Variants in CCDC73 observed in about 807,000 individuals in gnomAD.
CCDC73 encodes the protein coiled-coil domain containing 73.
A neutral mutation model predicts 116.5 loss-of-function variants in CCDC73; 95 were observed. The observed-to-expected ratio is 0.82, with a 90% CI of 0.69 to 0.97. The LOEUF (loss-of-function observed/expected upper bound fraction) is 0.97, where lower values mean the gene tolerates loss of function less well. Ranked by LOEUF, CCDC73 falls within the 50% of genes least tolerant of loss-of-function variation. The pLI is 0.00. For synonymous variants in CCDC73, 398 were observed against 401.3 expected (o/e 0.99, Z 0.10); for missense variants, 1,066 against 1,206.8 (o/e 0.88, Z 1.73).
At chr11:32,762,774 C>T (rs114900425) in intron 1 of CCDC73, among the ~76,000 whole-genome samples, 2,078 of 152,100 alleles carry the variant, frequency 0.014, 57 homozygotes, top group African/African-American at 0.047. Context: ...TGCAGCACAC[C>T]GAGTGAGAGT....
At chr11:32,673,438 T>C in intron 9 of CCDC73, among the ~76,000 whole-genome samples, 1 of 152,250 alleles carries the variant, frequency 6.6e-6, no homozygotes, top group Middle Eastern at 3.4e-3. Flanking sequence ...TCTATGTATA[T>C]ATAAAGGTAT....
chr11:32,725,682 T>C (rs938425427), intron 2 of CCDC73, among the ~76,000 whole-genome samples: 2 of 152,160 alleles, frequency 1.3e-5, no homozygotes, highest in African/African-American at 4.8e-5. Flanking sequence ...TTTAGGTTGG[T>C]CTAGAAGGTT....
chr11:32,794,871 G>GT (rs1565103460), upstream of CCDC73, among the ~76,000 whole-genome samples: 1,635 of 100,596 alleles, frequency 0.016, 28 homozygotes, highest in African/African-American at 0.052. Context: ...GTTTGTTTTT[G>GT]GTTTTTTTTT....
intron 6 of CCDC73, among the ~76,000 whole-genome samples, chr11:32,697,545 G>A (rs902524801): frequency 4.3e-5 from 6 of 139,698 alleles, no homozygotes; most frequent in African/African-American, 8.1e-5. Flanking sequence ...GTACAGTGAC[G>A]TAATCTCCGC....
intron 2 of CCDC73, among the ~76,000 whole-genome samples, chr11:32,732,167 A>C (rs905592486): frequency 2.0e-5 from 3 of 152,248 alleles, no homozygotes; most frequent in African/African-American, 4.8e-5. Context: ...AAAGGGTATC[A>C]GTGATTGAAG....
intron 2 of CCDC73, among the ~76,000 whole-genome samples, chr11:32,724,522 T>C (rs1850014928): frequency 6.6e-6 from 1 of 152,166 alleles, no homozygotes; most frequent in African/African-American, 2.4e-5. Context: ...TTAATCCCCA[T>C]TGTAGAGATG....
chr11:32,689,554 T>C (rs965428417), intron 6 of CCDC73, among the ~76,000 whole-genome samples: 2 of 151,148 alleles, frequency 1.3e-5, no homozygotes, highest in Admixed American at 6.6e-5. Flanking sequence ...AAAAGATAAA[T>C]AAGAAATATG....
chr11:32,683,316 A>G (rs893539999), intron 7 of CCDC73: 3 of 473,170 alleles, frequency 6.3e-6, no homozygotes, highest in African/African-American at 6.1e-5. Flanking sequence ...GGGATGCTCA[A>G]CCTGTATAAG....
At chr11:32,662,945 A>C (rs1855944478) in intron 9 of CCDC73, among the ~76,000 whole-genome samples, 1 of 152,178 alleles carries the variant, frequency 6.6e-6, no homozygotes. Context: ...TGAATAGGGA[A>C]TCCTTTCCCC....
intron 2 of CCDC73, among the ~76,000 whole-genome samples, chr11:32,748,780 A>C (rs1207746073): frequency 1.3e-5 from 2 of 152,084 alleles, no homozygotes; most frequent in Non-Finnish European, 2.9e-5. Flanking sequence ...TATCTGGGTA[A>C]GTCTTTATTT....
chr11:32,650,722 A>T (rs1855818741), intron 12 of CCDC73, among the ~76,000 whole-genome samples: 1 of 152,082 alleles, frequency 6.6e-6, no homozygotes, highest in Admixed American at 6.6e-5. Context: ...GGGACACGTA[A>T]GAGAAATAAG....
At chr11:32,760,435 T>C (rs1463275966) in intron 1 of CCDC73, among the ~76,000 whole-genome samples, 177 bp from the exon 2 acceptor site, 1 of 152,160 alleles carries the variant, frequency 6.6e-6, no homozygotes, top group Non-Finnish European at 1.5e-5. Flanking sequence ...GCAAAAATGG[T>C]ATTATTCTGT....
intron 9 of CCDC73, among the ~76,000 whole-genome samples, chr11:32,667,668 T>C (rs1475441545): frequency 6.6e-6 from 1 of 152,136 alleles, no homozygotes; most frequent in African/African-American, 2.4e-5. Flanking sequence ...CACCCACTGC[T>C]CTGCACCCAC....
intron 9 of CCDC73, among the ~76,000 whole-genome samples, chr11:32,671,649 T>G (rs1283107849): frequency 1.3e-5 from 2 of 152,232 alleles, no homozygotes; most frequent in African/African-American, 4.8e-5. Flanking sequence ...ATTAGTGTAC[T>G]TAGAATGTCT....
intron 17 of CCDC73, among the ~76,000 whole-genome samples, chr11:32,608,120 C>T (rs1855379285): frequency 6.6e-6 from 1 of 152,140 alleles, no homozygotes. Context: ...TGGGTGGGGA[C>T]ACAGCCAAAC....
Position 32,614,442 on chromosome 11 carries a change from T to G in CCDC73, c.1876A>C (p.Lys626Gln), listed in dbSNP as rs544461185. ...TCTAGAGACGAGTCCAAATCTGCTT[T>G]GGTTTGGTCACTATTTGTAATTTCC... ...EKEITNSDQT[K>Q]ADLDSSLDIK... The change falls in exon 16 of 18, where the codon AAA becomes CAA. Residue 626 changes from lysine (K) to glutamine (Q), a missense_variant. Coordinates refer to ENST00000335185, the MANE Select transcript of CCDC73 (RefSeq NM_001008391.4). 3 of 1,613,526 alleles carry G rather than the reference T, an allele frequency of 1.9e-6. No homozygotes were observed. Among genetic ancestry groups the G allele is most frequent in the Non-Finnish European group, 2.5e-6 (3 of 1,179,762 alleles).
At chr11:32,700,390 T>G (rs918339356) in intron 5 of CCDC73, among the ~76,000 whole-genome samples, 1 of 152,228 alleles carries the variant, frequency 6.6e-6, no homozygotes, top group Non-Finnish European at 1.5e-5. Context: ...TTGCAAGTCA[T>G]TTCCATATTT....
intron 2 of CCDC73, among the ~76,000 whole-genome samples, chr11:32,741,899 A>G (rs1022147315): frequency 1.3e-5 from 2 of 152,024 alleles, no homozygotes; most frequent in African/African-American, 4.8e-5. Context: ...ATGAGTGAGA[A>G]CATGTGGTGT....
At chr11:32,646,499 C>T (rs763171873) in intron 12 of CCDC73, among the ~76,000 whole-genome samples, 2 of 152,182 alleles carry the variant, frequency 1.3e-5, no homozygotes, top group Non-Finnish European at 2.9e-5. Flanking sequence ...TACAACTCTG[C>T]TTCAGAAATC....
Sources: allele counts gnomAD v4.1 joint callset (sites outside exome capture counted in the v4.1 genomes callset), GRCh38; gene constraint gnomAD v4.1.1; transcripts MANE v1.5; gene names NCBI Gene and HGNC (gene_info 2026-07-23, HGNC 2026-07-21).